Variants in PCDHGA5 observed in about 807,000 individuals in gnomAD.
PCDHGA5 encodes the protein protocadherin gamma-A5.
In PCDHGA5, 36 loss-of-function variants were observed where a neutral mutation model predicts 56.7. The observed-to-expected ratio is 0.64, with a 90% CI of 0.49 to 0.84. The LOEUF (loss-of-function observed/expected upper bound fraction) is 0.84, where lower values mean the gene tolerates loss of function less well. Ranked by LOEUF, PCDHGA5 falls within the 40% of genes least tolerant of loss-of-function variation. The pLI, the probability that PCDHGA5 is intolerant of heterozygous loss-of-function variation, is 0.00. For synonymous variants in PCDHGA5, 563 were observed against 520.2 expected, an observed-to-expected ratio of 1.08 and a Z score of -1.12; for missense variants, 1,305 against 1,201.5, an observed-to-expected ratio of 1.09 and a Z score of -1.27.
intron 1 of PCDHGA5, chr5:141,394,390 G>C (rs758609540): frequency 1.2e-6 from 2 of 1,614,100 alleles, no homozygotes; most frequent in Non-Finnish European, 1.7e-6. Context: ...GAGCAGATCC[G>C]AGACCTGCAG....
At chr5:141,502,400 C>T (rs964923206) in intron 2 of PCDHGA5, among the ~76,000 whole-genome samples, 2 of 151,748 alleles carry the variant, frequency 1.3e-5, no homozygotes, top group African/African-American at 4.8e-5. Flanking sequence ...AAAATGTCCC[C>T]GAACCTGGAT....
chr5:141,436,958 G>C (rs2097855854), intron 1 of PCDHGA5, among the ~76,000 whole-genome samples: 1 of 152,124 alleles, frequency 6.6e-6, no homozygotes, highest in Non-Finnish European at 1.5e-5. Context: ...ATCTAAACAA[G>C]GATCTTGTGA....
chr5:141,418,007 C>G (rs1561770675), intron 1 of PCDHGA5: 1 of 1,613,904 alleles, frequency 6.2e-7, no homozygotes, highest in Non-Finnish European at 8.5e-7. Flanking sequence ...GGTGGGGAAC[C>G]TCGCTAAGGA....
chr5:141,374,563 T>G, intron 1 of PCDHGA5: 1 of 1,613,710 alleles, frequency 6.2e-7, no homozygotes, highest in South Asian at 1.1e-5. Context: ...TCTATGACCC[T>G]GATGTGGGAA....
intron 1 of PCDHGA5, chr5:141,370,948 A>G (rs1401435063): frequency 6.2e-7 from 1 of 1,613,966 alleles, no homozygotes. Flanking sequence ...CAGAAGGAGA[A>G]CCTGGATGGC....
rs370995300 is a variant in PCDHGA5, at chr5:141,399,359, C to T, written c.2421+32608C>T. ...GATGGAACCCTAGACCGAGAGCAAACCCCGGAGTACAATGTCACCATCACA... is the reference window on the plus strand; with the variant it reads ...GATGGAACCCTAGACCGAGAGCAAATCCCGGAGTACAATGTCACCATCACA... On this transcript the variant is annotated intron_variant, in intron 1 of 3. Coordinates refer to ENST00000518069, the MANE Select transcript of PCDHGA5 (RefSeq NM_018918.3). 2.6e-4 allele frequency: 427 copies of T among 1,613,884 alleles called. No individual in the cohort carries two copies. The highest frequency in any genetic ancestry group is 1.2e-4 in the Non-Finnish European group (140 of 1,179,916).
intron 1 of PCDHGA5, chr5:141,418,453 G>T (rs2096259626): frequency 1.2e-6 from 2 of 1,614,060 alleles, no homozygotes; most frequent in East Asian, 4.5e-5. Flanking sequence ...TATTGCAGAA[G>T]ACTCTGGACC....
intron 1 of PCDHGA5, among the ~76,000 whole-genome samples, chr5:141,438,792 G>T (rs2098065674): frequency 6.7e-6 from 1 of 149,346 alleles, no homozygotes. Flanking sequence ...CTCTCCAGTA[G>T]CTGGGATTAC....
rs1456176347 is a variant in PCDHGA5 at position 141,510,961 on chromosome 5, A to G, written c.2584A>G (p.Ser862Gly). 2 of 1,613,986 alleles carry G rather than the reference A, an allele frequency of 1.2e-6. No individual in the cohort carries two copies. Among genetic ancestry groups the G allele is most frequent in the Non-Finnish European group, 1.7e-6 (2 of 1,179,962 alleles). ...TGTCTCTGCAGAAGCTGCTGATGGG[A>G]GCTCCACCCTGGGAGGGGGTGCCGG... is the stretch of plus-strand genomic sequence containing the variant. Reference protein sequence around the residue: ...LASASEAADGSSTLGGGAGTM... With the variant: ...LASASEAADGGSTLGGGAGTM... Residue 862 changes from serine (S) to glycine (G), a missense_variant, in exon 4 of 4, where the codon AGC (serine) becomes GGC (glycine). Physicochemically the swap from Ser to Gly is moderately conservative, Grantham distance 56. Coordinates refer to ENST00000518069, the MANE Select transcript of PCDHGA5 (RefSeq NM_018918.3).
intron 1 of PCDHGA5, chr5:141,410,849 CTTTT>C (rs759346998): frequency 4.9e-3 from 673 of 137,520 alleles, no homozygotes; most frequent in South Asian, 8.7e-3. Flanking sequence ...TTGTCTTTGT[CTTTT>C]TTTTTTTTTT....
rs1247556723 is a variant in PCDHGA5 at position 141,489,841 on chromosome 5, G to A, written c.2422-4966G>A. 6.2e-7 allele frequency: 1 copy of A among 1,614,224 alleles called. No individual in the cohort carries two copies. The highest frequency in any genetic ancestry group is 1.7e-5 in the Admixed American group (1 of 60,032). On this transcript the variant is annotated intron_variant, in intron 1 of 3. Coordinates refer to ENST00000518069, the MANE Select transcript of PCDHGA5 (RefSeq NM_018918.3). The surrounding 1 kb of genome is among the most constrained non-coding windows in gnomAD (Gnocchi z 4.5). Reference sequence around the variant, plus strand: ...AGAGCTGGTGCTAGAGCAGCAGCTGGATCGTGAAGCCCAGGCAAGACATCA... The same window carrying A: ...AGAGCTGGTGCTAGAGCAGCAGCTGAATCGTGAAGCCCAGGCAAGACATCA...
At chr5:141,474,772 G>T (rs1053853138) in intron 1 of PCDHGA5, among the ~76,000 whole-genome samples, 1 of 152,182 alleles carries the variant, frequency 6.6e-6, no homozygotes, top group Non-Finnish European at 1.5e-5. Context: ...AATAGTATGA[G>T]GCTCTAACAC....
intron 1 of PCDHGA5, chr5:141,372,773 T>C: frequency 1.2e-6 from 2 of 1,610,720 alleles, no homozygotes; most frequent in Non-Finnish European, 8.5e-7. Flanking sequence ...GTAATGACAA[T>C]CCAGAAATGC....
chr5:141,504,380 C>T (rs943816582), intron 2 of PCDHGA5, among the ~76,000 whole-genome samples: 1 of 152,088 alleles, frequency 6.6e-6, no homozygotes, highest in African/African-American at 2.4e-5. Flanking sequence ...GGTGGAGTCG[C>T]TGCCTCACAG....
chr5:141,433,641 G>T (rs1177387884), intron 1 of PCDHGA5, among the ~76,000 whole-genome samples: 1 of 152,104 alleles, frequency 6.6e-6, no homozygotes, highest in Admixed American at 6.5e-5. Flanking sequence ...TTTGAGACCA[G>T]CCTGACCAAC....
chr5:141,393,844 G>A (rs1158027980), intron 1 of PCDHGA5: 1 of 1,613,966 alleles, frequency 6.2e-7, no homozygotes, highest in Admixed American at 1.7e-5. Flanking sequence ...AATGACAATA[G>A]ACCAGAAGTG....
chr5:141,388,920 A>T, intron 1 of PCDHGA5: 3 of 1,613,996 alleles, frequency 1.9e-6, no homozygotes, highest in East Asian at 2.2e-5. Flanking sequence ...CCCAGAAGTG[A>T]TATTCCAGTC....
intron 2 of PCDHGA5, among the ~76,000 whole-genome samples, chr5:141,497,553 T>G (rs2099777684): frequency 6.6e-6 from 1 of 151,326 alleles, no homozygotes; most frequent in Non-Finnish European, 1.5e-5. Flanking sequence ...TTTTTTTTTT[T>G]TTTTTAGACA....
chr5:141,401,281 G>C (rs2094135967), intron 1 of PCDHGA5, among the ~76,000 whole-genome samples: 1 of 152,200 alleles, frequency 6.6e-6, no homozygotes, highest in Non-Finnish European at 1.5e-5. Context: ...GGTGGAGGTT[G>C]CGGTGAGCCG....
Sources: gnomAD v4.1 joint callset for allele counts (sites outside exome capture counted in the v4.1 genomes callset) on GRCh38, gnomAD v4.1.1 for gene constraint, Gnocchi (gnomAD v3.1) non-coding constraint, MANE v1.5 for transcripts, NCBI Gene and HGNC (gene_info 2026-07-23, HGNC 2026-07-21) for gene names.